GMDS: variants seen among roughly 807,000 people sequenced by gnomAD.
The protein encoded by GMDS is GDP-mannose 4,6-dehydratase, also known as GDP-mannose 4,6 dehydratase.
A neutral mutation model predicts 49.9 loss-of-function variants in GMDS; 20 were observed. That is an observed-to-expected ratio of 0.40 (90% CI 0.28 to 0.58). The LOEUF (loss-of-function observed/expected upper bound fraction) is 0.58. Among genes scored for constraint, GMDS ranks in the 20% least tolerant of loss-of-function variants. The probability of loss-of-function intolerance (pLI) is 0.42; values close to 1 mark genes in which losing one functional copy is unlikely to be tolerated. For missense variants in GMDS, 362 were observed against 481.4 expected, an observed-to-expected ratio of 0.75 and a Z score of 2.32; for synonymous variants, 177 against 178.6, an observed-to-expected ratio of 0.99 and a Z score of 0.07.
At chr6:2,080,175 T>A (rs1408439499) in intron 4 of GMDS, among the ~76,000 whole-genome samples, 1 of 152,180 alleles carries the variant, frequency 6.6e-6, no homozygotes, top group African/African-American at 2.4e-5. Flanking sequence ...TTTTTTATGA[T>A]AACTATCTCT....
At chr6:2,000,427 C>T (rs1187291899) in intron 4 of GMDS, among the ~76,000 whole-genome samples, 1 of 151,942 alleles carries the variant, frequency 6.6e-6, no homozygotes, top group East Asian at 1.9e-4. Context: ...TATTCATTAG[C>T]AGTCACCTCC....
chr6:2,200,827 T>A (rs34854877), intron 1 of GMDS, among the ~76,000 whole-genome samples: 140 of 90,330 alleles, frequency 1.5e-3, no homozygotes, highest in Middle Eastern at 9.3e-3. Flanking sequence ...ATCCGAGATG[T>A]AACCATCTAG....
intron 7 of GMDS, among the ~76,000 whole-genome samples, chr6:1,861,794 C>A (rs1758200573): frequency 1.3e-5 from 2 of 152,064 alleles, no homozygotes; most frequent in African/African-American, 2.4e-5. Flanking sequence ...ACTTTAGTCC[C>A]CAGTCACAGG....
chr6:1,680,113 G>A (rs575362071), intron 9 of GMDS, among the ~76,000 whole-genome samples: 4 of 152,264 alleles, frequency 2.6e-5, no homozygotes, highest in South Asian at 2.1e-4. Flanking sequence ...GAAATTACGC[G>A]CACTTTGTAG....
At chr6:1,710,012 C>T (rs1244247431) in intron 9 of GMDS, among the ~76,000 whole-genome samples, 1 of 152,166 alleles carries the variant, frequency 6.6e-6, no homozygotes, top group East Asian at 1.9e-4. Flanking sequence ...AAACCGATAA[C>T]ATAAAACCCC....
intron 9 of GMDS, among the ~76,000 whole-genome samples, chr6:1,625,694 G>A (rs113025691): frequency 3.9e-5 from 6 of 152,296 alleles, no homozygotes; most frequent in African/African-American, 1.4e-4. Context: ...AGGAAAGAAG[G>A]AAGAAAGGAG....
At chr6:1,902,876 A>G (rs958961990) in intron 7 of GMDS, among the ~76,000 whole-genome samples, 9 of 152,232 alleles carry the variant, frequency 5.9e-5, no homozygotes, top group African/African-American at 2.2e-4. Context: ...TTAAACATCA[A>G]TATAACATTG....
At chr6:2,032,689 T>C (rs918056852) in intron 4 of GMDS, among the ~76,000 whole-genome samples, 1 of 152,168 alleles carries the variant, frequency 6.6e-6, no homozygotes, top group Non-Finnish European at 1.5e-5. Context: ...AAAAAGGTAA[T>C]TTGCTTACAA....
intron 1 of GMDS, among the ~76,000 whole-genome samples, chr6:2,147,198 G>A (rs904810662): frequency 7.9e-5 from 12 of 152,190 alleles, no homozygotes; most frequent in African/African-American, 2.9e-4. Context: ...TATTCAGAAA[G>A]CTGTTTGGTT....
At chr6:2,187,177 G>A (rs910464614) in intron 1 of GMDS, among the ~76,000 whole-genome samples, 1 of 152,234 alleles carries the variant, frequency 6.6e-6, no homozygotes, top group African/African-American at 2.4e-5. Flanking sequence ...GAGGCAGGAA[G>A]ATGTCTCAGG....
At chr6:1,945,167 G>A (rs1452675972) in intron 6 of GMDS, among the ~76,000 whole-genome samples, 1 of 152,070 alleles carries the variant, frequency 6.6e-6, no homozygotes, top group Non-Finnish European at 1.5e-5. Flanking sequence ...GTAATACTAA[G>A]GAATGAAAAA....
At chr6:1,827,202 TGGA>T (rs1211404033) in intron 7 of GMDS, among the ~76,000 whole-genome samples, 4 of 151,380 alleles carry the variant, frequency 2.6e-5, no homozygotes, top group Non-Finnish European at 5.9e-5. Context: ...ATATGTATCC[TGGA>T]TACACACTCG....
intron 4 of GMDS, among the ~76,000 whole-genome samples, chr6:1,990,603 G>C (rs1765872333): frequency 6.6e-6 from 1 of 151,970 alleles, no homozygotes; most frequent in Non-Finnish European, 1.5e-5. Context: ...GTTGAGACAG[G>C]GTCTCTTGTC....
chr6:1,675,877 G>A (rs1317113418), intron 9 of GMDS, among the ~76,000 whole-genome samples: 1 of 151,502 alleles, frequency 6.6e-6, no homozygotes, highest in Non-Finnish European at 1.5e-5. Context: ...TGATAAAGGG[G>A]ATATCACCAC....
chr6:1,852,709 C>T (rs1757736469), intron 7 of GMDS, among the ~76,000 whole-genome samples: 2 of 147,274 alleles, frequency 1.4e-5, no homozygotes, highest in African/African-American at 2.7e-5. Flanking sequence ...ACGTGGGATC[C>T]GATTTTTTTT....
chr6:2,093,500 A>G (rs1773432685), intron 4 of GMDS, among the ~76,000 whole-genome samples: 1 of 152,184 alleles, frequency 6.6e-6, no homozygotes, highest in African/African-American at 2.4e-5. Flanking sequence ...AATAGTACCA[A>G]TTATAGATAA....
intron 4 of GMDS, among the ~76,000 whole-genome samples, chr6:2,011,823 T>A (rs1302778479): frequency 6.6e-6 from 1 of 152,182 alleles, no homozygotes; most frequent in Non-Finnish European, 1.5e-5. Context: ...CGTGGGAGGC[T>A]GAGATGGGAA....
chr6:1,794,080 AAAC>A lies in GMDS; in HGVS notation c.772-51497_772-51495del, dbSNP rs578261279. Among the ~76,000 whole-genome samples the A allele has an allele frequency of 1.2e-4, 18 of 152,328 alleles. No homozygotes were observed. In the East Asian group the frequency reaches 3.5e-3, roughly 29 times the overall value. On this transcript the variant is annotated intron_variant, in intron 7 of 10. Coordinates refer to ENST00000380815, the MANE Select transcript of GMDS (RefSeq NM_001500.4). Reference sequence around the variant, plus strand: ...TTATCCCAGGAGGATGAGAAAAAAGAAACAACAAAATATAATGTTTGGATCTAT... The same window carrying A: ...TTATCCCAGGAGGATGAGAAAAAAGAAACAAAATATAATGTTTGGATCTAT...
chr6:1,786,261 T>A (rs1769316252), intron 7 of GMDS, among the ~76,000 whole-genome samples: 1 of 152,262 alleles, frequency 6.6e-6, no homozygotes, highest in Non-Finnish European at 1.5e-5. Flanking sequence ...TCAATGAGGT[T>A]GATAACTGTG....
Sources: allele counts gnomAD v4.1 joint callset (sites outside exome capture counted in the v4.1 genomes callset), GRCh38; gene constraint gnomAD v4.1.1; transcripts MANE v1.5; gene names NCBI Gene and HGNC (gene_info 2026-07-23, HGNC 2026-07-21).